The following RPGRIP1 variants were observed in gnomAD, a reference collection of about 807,000 sequenced individuals.
RPGRIP1 encodes the protein X-linked retinitis pigmentosa GTPase regulator-interacting protein 1.
A neutral mutation model predicts 157.9 loss-of-function variants in RPGRIP1; 128 were observed. That is an observed-to-expected ratio of 0.81 (90% CI 0.70 to 0.94). The LOEUF is 0.94. Among genes scored for constraint, RPGRIP1 ranks in the 40% least tolerant of loss-of-function variants. RPGRIP1 has a pLI of 0.00. For synonymous variants in RPGRIP1, 554 were observed against 571.6 expected (o/e 0.97, Z 0.44); for missense variants, 1,486 against 1,545.8 (o/e 0.96, Z 0.65).
intron 6 of RPGRIP1, among the ~76,000 whole-genome samples, chr14:21,304,246 C>T (rs1313684885): frequency 2.8e-5 from 4 of 144,560 alleles, no homozygotes; most frequent in African/African-American, 7.7e-5. Context: ...ACCTGGGAGG[C>T]GGAGGTTGCA....
At chr14:21,338,064 A>C (rs894237733) in intron 21 of RPGRIP1, among the ~76,000 whole-genome samples, 18 of 152,050 alleles carry the variant, frequency 1.2e-4, no homozygotes, top group African/African-American at 3.1e-4. Flanking sequence ...CTACAGGCGC[A>C]CGCCACCATG....
At position 21,287,954 on chromosome 14, in the gene RPGRIP1, C is replaced by T. The variant is rs1359817332; in HGVS notation, c.-23C>T. 6.4e-7 allele frequency: 1 copy of T among 1,574,284 alleles called. No individual in the cohort carries two copies. The highest frequency in any genetic ancestry group is 1.4e-5 in the African/African-American group (1 of 73,992). On this transcript the variant is annotated 5_prime_UTR_variant, in exon 2 of 25. Transcript: ENST00000400017. ...TTTATTTCAGTGTCCTCTGGGATCT[C>T]TTACAGCTTGGGAACAGAGATCATG...
At chr14:21,311,221 A>C (rs1881528063) in intron 8 of RPGRIP1, among the ~76,000 whole-genome samples, 1 of 152,210 alleles carries the variant, frequency 6.6e-6, no homozygotes, top group Non-Finnish European at 1.5e-5. Context: ...GGTGGCAACT[A>C]ATTTAAAGCT....
At chr14:21,301,362 C>T (rs1881021150) in intron 4 of RPGRIP1, 125 bp downstream of exon 4, 1 of 997,112 alleles carries the variant, frequency 1.0e-6, no homozygotes. Flanking sequence ...CTCACTCCCT[C>T]CTTTCTGCCT....
intron 18 of RPGRIP1, 41 bp from the exon 19 acceptor site, chr14:21,328,383 A>G: frequency 2.7e-6 from 4 of 1,472,282 alleles, no homozygotes; most frequent in Non-Finnish European, 3.7e-6. Flanking sequence ...TAGGTTGTTA[A>G]ACTACCAGCT....
chr14:21,288,180 C>CT (rs35862339), intron 2 of RPGRIP1, 119 bp downstream of exon 2: 88,628 of 487,650 alleles, frequency 0.18, 2,668 homozygotes, highest in East Asian at 0.22. Context: ...AGTCTTCTCA[C>CT]TTTTTTTTTT....
In RPGRIP1 at chr14:21,284,110, T is replaced by C. The variant is rs1861058127; in HGVS notation, c.-38-3829T>C. 2.0e-5 allele frequency among the ~76,000 whole-genome samples: 3 copies of C among 152,164 alleles called. No homozygotes were observed. The South Asian group carries it at 6.2e-4, about 31-fold the overall frequency. On this transcript the variant is annotated intron_variant, in intron 1 of 24. Transcript: ENST00000400017. ...AAAAATGAAATGTTACAGAACAGAGTATGAATTATCCAATTCAAGTTAAAT... is the reference window on the plus strand; with the variant it reads ...AAAAATGAAATGTTACAGAACAGAGCATGAATTATCCAATTCAAGTTAAAT...
At chr14:21,313,092 T>G (rs1316808989) in intron 10 of RPGRIP1, among the ~76,000 whole-genome samples, 1 of 152,020 alleles carries the variant, frequency 6.6e-6, no homozygotes, top group East Asian at 1.9e-4. Flanking sequence ...TGCATCAGCC[T>G]CCTAAAATGC....
intron 22 of RPGRIP1, among the ~76,000 whole-genome samples, chr14:21,344,448 G>A (rs1885355685): frequency 6.6e-6 from 1 of 151,984 alleles, no homozygotes; most frequent in Non-Finnish European, 1.5e-5. Context: ...TGCTGCTCAT[G>A]GAGAATACGA....
rs768719934 is a variant in RPGRIP1, at chr14:21,312,438, GGAGA to G, written c.1087_1090del (p.Arg363LeufsTer11). 6.2e-7 allele frequency: 1 copy of G among 1,605,118 alleles called. No individual in the cohort carries two copies. The highest frequency in any genetic ancestry group is 1.7e-5 in the Admixed American group (1 of 59,500). ...AGGGCTACTATCACTCTTAGTTTCA[GGAGA>G]GAGTTGAAGATTTGGAAAAAGAACG... On this transcript the variant is annotated frameshift_variant, in exon 10 of 25. Coordinates refer to ENST00000400017, the MANE Select transcript of RPGRIP1 (RefSeq NM_020366.4). LOFTEE classifies it high-confidence loss of function.
intron 23 of RPGRIP1, 135 bp from the exon 24 acceptor site, chr14:21,348,037 C>T (rs1885739787): frequency 2.7e-6 from 2 of 731,322 alleles, no homozygotes; most frequent in African/African-American, 1.9e-5. Flanking sequence ...TGCTTATTGT[C>T]ATTTTGTAAA....
At chr14:21,304,371 G>A (rs1238839301) in intron 6 of RPGRIP1, among the ~76,000 whole-genome samples, 3 of 132,360 alleles carry the variant, frequency 2.3e-5, no homozygotes, top group African/African-American at 5.7e-5. Flanking sequence ...AGGAAGGAAG[G>A]GAGGGAGGAA....
chr14:21,287,726 A>G (rs1880350217), intron 1 of RPGRIP1, among the ~76,000 whole-genome samples: 1 of 152,204 alleles, frequency 6.6e-6, no homozygotes, highest in Non-Finnish European at 1.5e-5. Flanking sequence ...TTCCATAATC[A>G]TAAAAACTGA....
intron 24 of RPGRIP1, among the ~76,000 whole-genome samples, chr14:21,348,610 G>C (rs1885805359): frequency 6.6e-6 from 1 of 151,218 alleles, no homozygotes; most frequent in Non-Finnish European, 1.5e-5. Flanking sequence ...CCTCTCTTGA[G>C]CATTTTCGTA....
At chr14:21,296,877 A>G (rs2139149123) in intron 3 of RPGRIP1, among the ~76,000 whole-genome samples, 1 of 151,362 alleles carries the variant, frequency 6.6e-6, no homozygotes, top group East Asian at 2.0e-4. Flanking sequence ...ACTTGAACCC[A>G]GGAGGCAGAG....
In RPGRIP1 at chr14:21,301,072, T is replaced by A; in HGVS notation, c.325T>A (p.Trp109Arg). Residue 109 changes from tryptophan to arginine, a missense_variant, in exon 4 of 25, where the codon TGG becomes AGG. By Grantham distance (101) the Trp-to-Arg change is moderately radical. Coordinates refer to ENST00000400017, the MANE Select transcript of RPGRIP1 (RefSeq NM_020366.4). ...CGCAAGGCGCGGGCAGAAGGCGGGA[T>A]GGCGGCAGCGCCTCTCCATGCACCA... ...ETARRGQKAG[W>R]RQRLSMHQRP... 1 of 1,612,670 alleles carries A rather than the reference T, an allele frequency of 6.2e-7. No individual in the cohort carries two copies. Among genetic ancestry groups the A allele is most frequent in the South Asian group, 1.1e-5 (1 of 91,036 alleles).
At chr14:21,297,834 A>ATTCTT (rs1880849623) in intron 3 of RPGRIP1, among the ~76,000 whole-genome samples, 1 of 133,216 alleles carries the variant, frequency 7.5e-6, no homozygotes, top group Admixed American at 7.7e-5. Context: ...TCAATAAATT[A>ATTCTT]TTCTTTCTTT....
intron 24 of RPGRIP1, among the ~76,000 whole-genome samples, chr14:21,349,205 G>A (rs1309132939): frequency 6.7e-6 from 1 of 149,174 alleles, no homozygotes; most frequent in Non-Finnish European, 1.5e-5. Context: ...TGGGTAGCTG[G>A]GACTACAGGC....
chr14:21,329,447 A>T (rs1348277890), intron 19 of RPGRIP1, among the ~76,000 whole-genome samples: 1 of 151,780 alleles, frequency 6.6e-6, no homozygotes, highest in South Asian at 2.1e-4. Flanking sequence ...CATATTATGT[A>T]CTCTACAGTT....
Sources: gnomAD v4.1 joint callset for allele counts (sites outside exome capture counted in the v4.1 genomes callset) on GRCh38, gnomAD v4.1.1 for gene constraint, MANE v1.5 for transcripts, NCBI Gene and HGNC (gene_info 2026-07-23, HGNC 2026-07-21) for gene names.